The following TARS3 variants were observed in gnomAD, a reference collection of about 807,000 sequenced individuals.
TARS3 encodes threonyl-tRNA synthetase 3.
Under a neutral mutation model 103.5 loss-of-function variants are expected in TARS3, and 94 were observed. The ratio of observed to expected loss-of-function variants is 0.91; its 90% CI spans 0.77 to 1.08. The LOEUF is 1.08. Ranked by LOEUF, TARS3 falls within the 50% of genes least tolerant of loss-of-function variation. The probability of loss-of-function intolerance (pLI) is 0.00; values close to 1 mark genes in which losing one functional copy is unlikely to be tolerated. For missense variants in TARS3, 952 were observed against 995.2 expected (o/e 0.96, Z 0.58); for synonymous variants, 416 against 355.4 (o/e 1.17, Z -1.92).
At position 101,653,954 on chromosome 15, in the gene TARS3, A is replaced by G. The variant is rs1897103589; in HGVS notation, c.*628T>C. On this transcript the variant is annotated 3_prime_UTR_variant, in exon 19 of 19. Coordinates refer to ENST00000335968, the MANE Select transcript of TARS3 (RefSeq NM_152334.3). ...GAAACACTGATGCAATTCATTTGGG[A>G]ATTTATTTTTTTCTAAAGCGGAACA... 6.6e-6 allele frequency: 1 copy of G among 152,276 alleles called. No homozygotes were observed. The highest frequency in any genetic ancestry group is 6.5e-5 in the Admixed American group (1 of 15,282). The allele number at this position is 152,276 out of a possible 1,614,324, so 9.4% of individuals were successfully genotyped here. A position where few individuals can be genotyped will look rare whatever the true frequency, so the allele number is the denominator to read the frequency against.
intron 13 of TARS3, 26 bp downstream of exon 13, chr15:101,675,574 G>A (rs767397272): frequency 5.6e-6 from 9 of 1,599,506 alleles, no homozygotes; most frequent in Admixed American, 1.7e-5. Flanking sequence ...CTAAAATGAA[G>A]AGGAAGCACA....
chr15:101,654,445 A>G lies in TARS3; in HGVS notation c.*137T>C, dbSNP rs187069765. ...CTTCGTGCATGTCAGCTACACGTTC[A>G]TCGTCTCCTTTCTCAGCTGAGGCCA... On this transcript the variant is annotated 3_prime_UTR_variant, in exon 19 of 19. Coordinates refer to ENST00000335968, the MANE Select transcript of TARS3 (RefSeq NM_152334.3). 11,783 of 885,880 alleles carry G rather than the reference A, an allele frequency of 0.013. 111 individuals are homozygous for G. Among genetic ancestry groups the G allele is most frequent in the Non-Finnish European group, 0.017 (10,313 of 599,832 alleles). The allele number at this position is 885,880 out of a possible 1,614,324, so 54.9% of individuals were successfully genotyped here.
intron 10 of TARS3, among the ~76,000 whole-genome samples, chr15:101,689,935 C>T (rs1208590122): frequency 6.6e-6 from 1 of 152,198 alleles, no homozygotes. Flanking sequence ...TTGGCCCTAG[C>T]GTCCATCTAC....
chr15:101,654,421 T>C lies in TARS3; in HGVS notation c.*161A>G, dbSNP rs1897122412. ...CCCCGTGGACATGAGTAAATTAAAC[T>C]TCGTGCATGTCAGCTACACGTTCAT... On this transcript the variant is annotated 3_prime_UTR_variant, in exon 19 of 19. Transcript: ENST00000335968. 1 of 726,560 alleles carries C rather than the reference T, an allele frequency of 1.4e-6. No individual in the cohort carries two copies. Among genetic ancestry groups the C allele is most frequent in the Admixed American group, 3.6e-5 (1 of 27,774 alleles). The allele number at this position is 726,560 out of a possible 1,614,324, so 45.0% of individuals were successfully genotyped here.
At position 101,663,906 on chromosome 15, in the gene TARS3, C is replaced by T. The variant is rs539017794; in HGVS notation, c.1968-2090G>A. Among the ~76,000 whole-genome samples, 6 of 152,278 alleles carry T rather than the reference C, an allele frequency of 3.9e-5. No homozygotes were observed. In the East Asian group the frequency reaches 9.6e-4, roughly 24 times the overall value. ...TTATCGTGATAAGGAAATTTCTGTT[C>T]ATTTCACAGGAATGAATGTTAACTT... On this transcript the variant is annotated intron_variant, in intron 15 of 18. Coordinates refer to ENST00000335968, the MANE Select transcript of TARS3 (RefSeq NM_152334.3).
intron 18 of TARS3, 77 bp downstream of exon 18, chr15:101,656,845 C>G (rs1567319425): frequency 2.2e-5 from 19 of 845,348 alleles, no homozygotes; most frequent in Non-Finnish European, 3.6e-5. Flanking sequence ...GTAGTTGAAC[C>G]ATATTTCTTA....
intron 17 of TARS3, among the ~76,000 whole-genome samples, 160 bp from the exon 18 acceptor site, chr15:101,657,196 G>A (rs539940679): frequency 2.1e-4 from 32 of 152,310 alleles, no homozygotes; most frequent in African/African-American, 7.0e-4. Flanking sequence ...AAGTGTCGGC[G>A]CATCGTTTCT....
intron 4 of TARS3, 95 bp from the exon 5 acceptor site, chr15:101,712,096 G>A (rs1596325505): frequency 1.5e-6 from 2 of 1,378,936 alleles, no homozygotes; most frequent in Non-Finnish European, 1.9e-6. Flanking sequence ...ATTTTAAGGA[G>A]ATACATGGCA....
At chr15:101,682,159 A>G (rs1898280650) in intron 12 of TARS3, among the ~76,000 whole-genome samples, 1 of 152,162 alleles carries the variant, frequency 6.6e-6, no homozygotes, top group Non-Finnish European at 1.5e-5. Flanking sequence ...AAGAACCTGC[A>G]GTACAATGAT....
chr15:101,661,270 C>T (rs2141381157), intron 16 of TARS3, among the ~76,000 whole-genome samples: 1 of 152,042 alleles, frequency 6.6e-6, no homozygotes, highest in East Asian at 1.9e-4. Context: ...ATCAGGTTTA[C>T]ATGTTTTCCT....
chr15:101,722,998 CA>C, intron 2 of TARS3, 94 bp downstream of exon 2: 1 of 1,143,908 alleles, frequency 8.7e-7, no homozygotes, highest in Non-Finnish European at 1.3e-6. Context: ...ATAATTTAAT[CA>C]GTAATTTTTA....
rs1363301580 is a variant in TARS3 at position 101,721,125 on chromosome 15, C to G, written c.566+1G>C. On this transcript the variant is annotated splice_donor_variant, in intron 3 of 18. Coordinates refer to ENST00000335968, the MANE Select transcript of TARS3 (RefSeq NM_152334.3). LOFTEE classifies it high-confidence loss of function. ...AATATCTTTTCCACACTGCGGTTTA[C>G]CTAATTTCAGCAGCCACTTGGTAAG... 1.3e-6 allele frequency: 2 copies of G among 1,593,882 alleles called. No homozygotes were observed. The highest frequency in any genetic ancestry group is 4.5e-5 in the East Asian group (2 of 44,302).
chr15:101,672,911 G>T (rs979201322), intron 13 of TARS3, among the ~76,000 whole-genome samples: 8 of 152,238 alleles, frequency 5.3e-5, no homozygotes, highest in African/African-American at 1.9e-4. Flanking sequence ...GAATTCTGGG[G>T]ACTGCAAGAA....
At chr15:101,705,092 G>A (rs1259691162) in intron 7 of TARS3, among the ~76,000 whole-genome samples, 2 of 152,156 alleles carry the variant, frequency 1.3e-5, no homozygotes, top group Non-Finnish European at 2.9e-5. Context: ...TGACATATAA[G>A]GCGTATACAC....
At chr15:101,700,878 G>A (rs983964964) in intron 10 of TARS3, among the ~76,000 whole-genome samples, 2 of 152,106 alleles carry the variant, frequency 1.3e-5, no homozygotes, top group East Asian at 3.9e-4. Context: ...CTGACCTCAG[G>A]TGATCTGCCC....
chr15:101,699,511 T>C (rs1431963576), intron 10 of TARS3: 1 of 454,062 alleles, frequency 2.2e-6, no homozygotes, highest in Non-Finnish European at 4.4e-6. Flanking sequence ...TACTCCCAAC[T>C]TGAGAGTACA....
intron 3 of TARS3, among the ~76,000 whole-genome samples, chr15:101,717,319 A>G (rs1900204859): frequency 6.6e-6 from 1 of 152,236 alleles, no homozygotes; most frequent in African/African-American, 2.4e-5. Context: ...TAGGGATTAT[A>G]GGACCTTCCT....
intron 12 of TARS3, 52 bp from the exon 13 acceptor site, chr15:101,675,789 T>TCAGACAA: frequency 6.5e-7 from 1 of 1,546,800 alleles, no homozygotes; most frequent in Admixed American, 1.8e-5. Flanking sequence ...TTCATTTATG[T>TCAGACAA]TTTAAAAAAT....
At position 101,724,130 on chromosome 15, in the gene TARS3, C is replaced by T. The variant is rs745970561; in HGVS notation, c.258G>A (p.Glu86=). 147 of 1,435,014 alleles carry T rather than the reference C, an allele frequency of 1.0e-4. No homozygotes were observed. Among genetic ancestry groups the T allele is most frequent in the Non-Finnish European group, 1.2e-4 (132 of 1,094,520 alleles). The allele number at this position is 1,435,014 out of a possible 1,614,324, so 88.9% of individuals were successfully genotyped here. A position where few individuals can be genotyped will look rare whatever the true frequency, so the allele number is the denominator to read the frequency against. ...CCTGCGCCGCCTCTAGCTCCGCGCTCTCCAGCGTGGCCTGGCGGCTCCGCT... is the reference window on the plus strand; with the variant it reads ...CCTGCGCCGCCTCTAGCTCCGCGCTTTCCAGCGTGGCCTGGCGGCTCCGCT... The part of the protein sequence containing the change: ...AEERSRQATL[E]SAELEAAQEA... The change falls in exon 1 of 19, where the codon GAG becomes GAA. Residue 86 remains glutamate (E), a synonymous_variant. Transcript: ENST00000335968.
Sources: gnomAD v4.1 joint callset for allele counts (sites outside exome capture counted in the v4.1 genomes callset) on GRCh38, gnomAD v4.1.1 for gene constraint, MANE v1.5 for transcripts, NCBI Gene and HGNC (gene_info 2026-07-23, HGNC 2026-07-21) for gene names.